MTRF1L: variants seen among roughly 807,000 people sequenced by gnomAD.
MTRF1L encodes peptide chain release factor 1-like, mitochondrial.
In MTRF1L, 29 loss-of-function variants were observed where a neutral mutation model predicts 40.0. The observed-to-expected ratio is 0.73, with a 90% CI of 0.54 to 0.99. The LOEUF is 0.99. MTRF1L is among the 50% of genes least tolerant of loss of function. The probability of loss-of-function intolerance (pLI) is 0.00; values close to 1 mark genes in which losing one functional copy is unlikely to be tolerated. For synonymous variants in MTRF1L, 150 were observed against 175.8 expected, an observed-to-expected ratio of 0.85 and a Z score of 1.16; for missense variants, 412 against 464.5, an observed-to-expected ratio of 0.89 and a Z score of 1.04.
intron 3 of MTRF1L, chr6:152,994,888 C>T: frequency 1.4e-6 from 1 of 716,658 alleles, no homozygotes; most frequent in Non-Finnish European, 2.3e-6. Context: ...AATCAGTTGA[C>T]ATCAGTAACA....
intron 2 of MTRF1L, among the ~76,000 whole-genome samples, chr6:152,997,992 C>G (rs755746483): frequency 7.9e-5 from 12 of 152,008 alleles, no homozygotes; most frequent in Non-Finnish European, 1.5e-5. Flanking sequence ...TGGTATATCA[C>G]CTTTTTGCTT....
rs1778508557 is a variant in MTRF1L, at chr6:152,991,338, G to A, written c.806-17C>T. On this transcript the variant is annotated splice_polypyrimidine_tract_variant and intron_variant, in intron 5 of 6. Coordinates refer to ENST00000367233, the MANE Select transcript of MTRF1L (RefSeq NM_019041.7). ...AAACAACACCTGAATAGTGTTACGA[G>A]AATTAAAAAGTTTTAATAAAAAAAT... The A allele has an allele frequency of 2.6e-6, 4 of 1,554,180 alleles. No homozygotes were observed. The highest frequency in any genetic ancestry group is 2.8e-5 in the African/African-American group (2 of 71,644).
At chr6:153,001,708 T>C (rs956838316) in intron 1 of MTRF1L, among the ~76,000 whole-genome samples, 1 of 152,252 alleles carries the variant, frequency 6.6e-6, no homozygotes, top group African/African-American at 2.4e-5. Flanking sequence ...CAAAATGTTT[T>C]GTGAGTCAGA....
At position 152,992,908 on chromosome 6, in the gene MTRF1L, G is replaced by A. The variant is rs1562299401; in HGVS notation, c.754C>T (p.Gln252Ter). 1.2e-6 allele frequency: 2 copies of A among 1,612,414 alleles called. No homozygotes were observed. Among genetic ancestry groups the A allele is most frequent in the Admixed American group, 3.3e-5 (2 of 60,018 alleles). ...DTKRASGAGG[Q>*]HVNTTDSAVR... ...GCACTGTCCGTGGTATTTACATGCTGCCCCCCAGCTCCACTGGCTCGCTTA... is the reference window on the plus strand; with the variant it reads ...GCACTGTCCGTGGTATTTACATGCTACCCCCCAGCTCCACTGGCTCGCTTA... The change falls in exon 5 of 7, where the codon CAG (glutamine) becomes TAG (stop). Residue 252 changes from glutamine to a stop codon, truncating the protein, a stop_gained. Transcript: ENST00000367233. LOFTEE classifies it high-confidence loss of function.
Position 152,994,538 on chromosome 6 carries a change from A to G in MTRF1L, c.662T>C (p.Val221Ala), listed in dbSNP as rs1245647035. ...CTCAGTAGGCTGGGGTAATATTGCT[A>G]CAGTCATGGTGCTAGTATGGACGCG... ...QGRVHTSTMTVAILPQPTEIN... is the reference protein window; with the variant it reads ...QGRVHTSTMTAAILPQPTEIN... The change falls in exon 4 of 7, where the codon GTA (valine) becomes GCA (alanine). Residue 221 changes from valine to alanine, a missense_variant. Coordinates refer to ENST00000367233, the MANE Select transcript of MTRF1L (RefSeq NM_019041.7). The G allele has an allele frequency of 8.1e-6, 13 of 1,611,472 alleles. No individual in the cohort carries two copies. The highest frequency in any genetic ancestry group is 1.1e-5 in the Non-Finnish European group (13 of 1,179,680).
chr6:152,996,899 T>C (rs1778733290), intron 2 of MTRF1L, among the ~76,000 whole-genome samples: 1 of 152,200 alleles, frequency 6.6e-6, no homozygotes, highest in Non-Finnish European at 1.5e-5. Flanking sequence ...AAGTTGTATT[T>C]CAAAGTTATT....
chr6:152,995,404 A>T (rs1027340451), intron 2 of MTRF1L, 85 bp from the exon 3 acceptor site: 1 of 1,247,772 alleles, frequency 8.0e-7, no homozygotes, highest in African/African-American at 1.5e-5. Flanking sequence ...CAGGAATTTT[A>T]AATATTTAAG....
intron 1 of MTRF1L, among the ~76,000 whole-genome samples, chr6:153,001,394 C>T (rs7743241): frequency 6.6e-6 from 1 of 152,160 alleles, no homozygotes; most frequent in South Asian, 2.1e-4. Context: ...TAATTTACCA[C>T]GTACTGTATA....
At chr6:152,999,940 G>GA (rs1186893025) in intron 1 of MTRF1L, among the ~76,000 whole-genome samples, 5 of 152,052 alleles carry the variant, frequency 3.3e-5, no homozygotes, top group Admixed American at 6.5e-5. Context: ...GCAGAAAAAG[G>GA]AAAAAAAGAT....
chr6:152,991,510 G>C, intron 5 of MTRF1L, 189 bp from the exon 6 acceptor site: 2 of 593,530 alleles, frequency 3.4e-6, no homozygotes, highest in Non-Finnish European at 5.2e-6. Flanking sequence ...GAAAATTTAA[G>C]TTTTGAGCAA....
intron 5 of MTRF1L, among the ~76,000 whole-genome samples, chr6:152,992,600 C>T (rs938125096): frequency 6.6e-6 from 1 of 152,128 alleles, no homozygotes; most frequent in African/African-American, 2.4e-5. Flanking sequence ...CAGAACTCCA[C>T]CTGAAAGGAC....
At chr6:152,992,321 C>T (rs1170680769) in intron 5 of MTRF1L, among the ~76,000 whole-genome samples, 1 of 152,158 alleles carries the variant, frequency 6.6e-6, no homozygotes, top group Non-Finnish European at 1.5e-5. Context: ...CTGGAGATTT[C>T]GATATAGTCC....
intron 2 of MTRF1L, among the ~76,000 whole-genome samples, chr6:152,997,109 A>G: frequency 6.6e-6 from 1 of 152,196 alleles, no homozygotes; most frequent in Non-Finnish European, 1.5e-5. Context: ...TGAAAAGTTT[A>G]TGGGGATGAT....
At chr6:153,000,671 T>G (rs979289647) in intron 1 of MTRF1L, among the ~76,000 whole-genome samples, 1 of 152,134 alleles carries the variant, frequency 6.6e-6, no homozygotes, top group Non-Finnish European at 1.5e-5. Flanking sequence ...CCACCCAGAT[T>G]TCTGGAGATA....
chr6:152,989,746 T>A lies in MTRF1L; in HGVS notation c.*149A>T. ...TTTTGCTAATGCATTGAGAGAGATC[T>A]GTGTAAATTATCTATGACTTCAGAA... On this transcript the variant is annotated 3_prime_UTR_variant, in exon 7 of 7. Coordinates refer to ENST00000367233, the MANE Select transcript of MTRF1L (RefSeq NM_019041.7). The A allele has an allele frequency of 1.3e-6, 1 of 786,388 alleles. No homozygotes were observed. 48.7% of individuals were successfully genotyped at this position (786,388 alleles called of 1,614,324 possible).
intron 5 of MTRF1L, 74 bp from the exon 6 acceptor site, chr6:152,991,395 C>T (rs1445959399): frequency 2.8e-6 from 4 of 1,421,524 alleles, no homozygotes; most frequent in Non-Finnish European, 3.7e-6. Context: ...AATACTTTTC[C>T]TCCTCATCCT....
intron 2 of MTRF1L, chr6:152,998,300 T>C: frequency 4.2e-6 from 1 of 239,604 alleles, no homozygotes; most frequent in Non-Finnish European, 7.9e-6. Flanking sequence ...AAGTTTGTTC[T>C]TTAAAAACCA....
At chr6:152,995,426 AAAT>A in intron 2 of MTRF1L, 107 bp from the exon 3 acceptor site, 1 of 1,013,740 alleles carries the variant, frequency 9.9e-7, no homozygotes, top group Non-Finnish European at 1.4e-6. Flanking sequence ...TTCGCCAAGC[AAAT>A]AATGTAATAT....
At position 152,988,502 on chromosome 6, in the gene MTRF1L, C is replaced by T. The variant is rs1778402326; in HGVS notation, c.*1393G>A. ...ACTTGGCGGGGCCACAGGTGCCTAG[C>T]TACTGGGTCATACTTTTTTTTTTTT... is the stretch of plus-strand genomic sequence containing the variant. On this transcript the variant is annotated 3_prime_UTR_variant, in exon 7 of 7. Transcript: ENST00000367233. 1 of 51,328 alleles carries T rather than the reference C, an allele frequency of 1.9e-5. No individual in the cohort carries two copies. Among genetic ancestry groups the T allele is most frequent in the South Asian group, 8.0e-4 (1 of 1,256 alleles). The allele number at this position is 51,328 out of a possible 1,614,324, so 3.2% of individuals were successfully genotyped here. A position where few individuals can be genotyped will look rare whatever the true frequency, so the allele number is the denominator to read the frequency against.
Sources: gnomAD v4.1 joint callset for allele counts (sites outside exome capture counted in the v4.1 genomes callset) on GRCh38, gnomAD v4.1.1 for gene constraint, MANE v1.5 for transcripts, NCBI Gene and HGNC (gene_info 2026-07-23, HGNC 2026-07-21) for gene names.